Variants in ARMC9 observed in about 807,000 individuals in gnomAD.
The protein encoded by ARMC9 is lisH domain-containing protein ARMC9.
Under a neutral mutation model 107.0 loss-of-function variants are expected in ARMC9, and 94 were observed. The ratio of observed to expected loss-of-function variants is 0.88; its 90% CI spans 0.74 to 1.04. ARMC9 has a LOEUF of 1.04. ARMC9 is among the 50% of genes least tolerant of loss of function. The pLI, the probability that ARMC9 is intolerant of heterozygous loss-of-function variation, is 0.00. For missense variants in ARMC9, 942 were observed against 1,030.1 expected (o/e 0.91, Z 1.17); for synonymous variants, 380 against 396.9 (o/e 0.96, Z 0.51).
chr2:231,301,546 G>T (rs1421450165), intron 19 of ARMC9, among the ~76,000 whole-genome samples: 1 of 151,708 alleles, frequency 6.6e-6, no homozygotes, highest in Non-Finnish European at 1.5e-5. Flanking sequence ...TTGCTACATT[G>T]TACATTTCCA....
chr2:231,364,503 T>C (rs1470684827), intron 23 of ARMC9, among the ~76,000 whole-genome samples: 1 of 152,190 alleles, frequency 6.6e-6, no homozygotes, highest in Admixed American at 6.5e-5. Flanking sequence ...GGCACATTCA[T>C]GCATCCAGCT....
intron 19 of ARMC9, among the ~76,000 whole-genome samples, chr2:231,312,198 G>C (rs1489628893): frequency 6.6e-6 from 1 of 152,212 alleles, no homozygotes; most frequent in Non-Finnish European, 1.5e-5. Flanking sequence ...AAGGTTCGAG[G>C]TGGTTTGGCA....
rs768217263 is a variant in ARMC9 at position 231,360,796 on chromosome 2, G to A, written c.2174G>A (p.Arg725His). Residue 725 changes from arginine to histidine, a missense_variant, in exon 23 of 25, where the codon CGC (arginine) becomes CAC (histidine). Transcript: ENST00000611582. The surrounding 1 kb of genome is among the most constrained non-coding windows in gnomAD (Gnocchi z 4.7). ...CCAGGAGAGTGGCTCCCAAGAGGACGCCAGGAAGAGCCTCGCCCAGCCCCC... is the reference window on the plus strand; with the variant it reads ...CCAGGAGAGTGGCTCCCAAGAGGACACCAGGAAGAGCCTCGCCCAGCCCCC... The part of the protein sequence containing the change: ...AKPGEWLPRG[R>H]QEEPRPAPTG... 49 of 1,536,024 alleles carry A rather than the reference G, an allele frequency of 3.2e-5. No individual in the cohort carries two copies. The highest frequency in any genetic ancestry group is 1.9e-4 in the South Asian group (16 of 84,072).
intron 23 of ARMC9, among the ~76,000 whole-genome samples, chr2:231,361,930 C>T (rs927854197): frequency 5.9e-5 from 9 of 152,046 alleles, no homozygotes; most frequent in Middle Eastern, 3.2e-3. Context: ...AGAAAGGGGG[C>T]GCAGACAAGT....
chr2:231,261,985 C>A (rs62197345), intron 11 of ARMC9, among the ~76,000 whole-genome samples: 41,890 of 151,658 alleles, frequency 0.28, 5,976 homozygotes, highest in African/African-American at 0.31. Flanking sequence ...CCACACCCGG[C>A]TAATTTTTTT....
intron 21 of ARMC9, among the ~76,000 whole-genome samples, chr2:231,349,712 C>T (rs1009429229): frequency 5.9e-5 from 9 of 151,874 alleles, no homozygotes; most frequent in East Asian, 1.9e-4. Flanking sequence ...ACCTGGGAGA[C>T]GGAGGTTGCA....
At chr2:231,318,753 G>A (rs555195879) in intron 19 of ARMC9, among the ~76,000 whole-genome samples, 30 of 152,168 alleles carry the variant, frequency 2.0e-4, no homozygotes, top group Non-Finnish European at 3.5e-4. Flanking sequence ...TTTAGTAAAC[G>A]TATCACATTT....
intron 16 of ARMC9, among the ~76,000 whole-genome samples, chr2:231,281,631 A>G (rs895036603): frequency 2.6e-5 from 4 of 152,202 alleles, no homozygotes; most frequent in African/African-American, 4.8e-5. Context: ...AGCCTGGTTC[A>G]TGGACGATGA....
At chr2:231,261,042 C>T (rs565249711) in intron 11 of ARMC9, among the ~76,000 whole-genome samples, 13 of 152,276 alleles carry the variant, frequency 8.5e-5, no homozygotes, top group South Asian at 4.1e-4. Flanking sequence ...GAGGCCTCCC[C>T]GGCTCTCCTT....
Position 231,291,350 on chromosome 2 carries a change from T to C in ARMC9, c.1627-3T>C, listed in dbSNP as rs2040975776. On this transcript the variant is annotated splice_polypyrimidine_tract_variant and splice_region_variant and intron_variant, in intron 17 of 24. Coordinates refer to ENST00000611582, the MANE Select transcript of ARMC9 (RefSeq NM_001352754.2). ...TAACTATTACTTTCGCCAATACTTC[T>C]AGGGAATGGAAGACATCCTACGCTG... is the stretch of plus-strand genomic sequence containing the variant. 6.2e-7 allele frequency: 1 copy of C among 1,612,524 alleles called. No individual in the cohort carries two copies. Among genetic ancestry groups the C allele is most frequent in the Non-Finnish European group, 8.5e-7 (1 of 1,178,856 alleles).
intron 3 of ARMC9, among the ~76,000 whole-genome samples, chr2:231,214,130 T>C (rs1032202180): frequency 6.6e-6 from 1 of 152,234 alleles, no homozygotes; most frequent in Non-Finnish European, 1.5e-5. Context: ...CATGATGCTG[T>C]CATTGTCCCA....
rs113547151 is a variant in ARMC9 at position 231,215,011 on chromosome 2, C to T, written c.348+10C>T. 2.5e-6 allele frequency: 4 copies of T among 1,613,514 alleles called. No homozygotes were observed. The South Asian group carries it at 4.4e-5, about 18-fold the overall frequency. ...CTCTGTGGGGAGACCGGTGGGTTTACCTGGTGATGCGGGTGGGTCTGAGTG... is the reference window on the plus strand; with the variant it reads ...CTCTGTGGGGAGACCGGTGGGTTTATCTGGTGATGCGGGTGGGTCTGAGTG... On this transcript the variant is annotated intron_variant, in intron 4 of 24. Transcript: ENST00000611582.
chr2:231,206,078 G>T, intron 1 of ARMC9, 120 bp from the exon 2 acceptor site: 1 of 685,380 alleles, frequency 1.5e-6, no homozygotes. Context: ...GTATTCACAG[G>T]TTCTGGGGAT....
At chr2:231,334,317 C>G (rs781449378) in intron 20 of ARMC9, among the ~76,000 whole-genome samples, 1 of 152,248 alleles carries the variant, frequency 6.6e-6, no homozygotes, top group Non-Finnish European at 1.5e-5. Flanking sequence ...CCTTAGGGCT[C>G]AGCTCCCCCG....
intron 6 of ARMC9, 28 bp from the exon 7 acceptor site, chr2:231,226,746 G>C: frequency 6.2e-7 from 1 of 1,611,974 alleles, no homozygotes. Context: ...CTGAATGCCT[G>C]TTTTCCTGAA....
chr2:231,210,983 A>G (rs760651763), intron 3 of ARMC9, among the ~76,000 whole-genome samples: 3 of 152,198 alleles, frequency 2.0e-5, no homozygotes, highest in Non-Finnish European at 4.4e-5. Context: ...TAGATATGTC[A>G]TATAAATGGA....
chr2:231,235,848 GT>G (rs2125361817), intron 8 of ARMC9, among the ~76,000 whole-genome samples: 1 of 152,310 alleles, frequency 6.6e-6, no homozygotes, highest in Admixed American at 6.5e-5. Context: ...CTCCATGTTG[GT>G]CAGGCTGGTC....
intron 2 of ARMC9, among the ~76,000 whole-genome samples, chr2:231,207,260 A>G (rs1030581760): frequency 1.3e-5 from 2 of 152,202 alleles, no homozygotes; most frequent in African/African-American, 4.8e-5. Context: ...CTCCTGCCTC[A>G]GCCTCCCAAA....
In ARMC9 at chr2:231,331,875, T is replaced by G; in HGVS notation, c.1856T>G (p.Leu619Arg). Residue 619 changes from leucine to arginine, a missense_variant, in exon 20 of 25, where the codon CTT (leucine) becomes CGT (arginine). Leu to Arg is a moderately radical substitution (Grantham distance 102). Transcript: ENST00000611582. ...PQLGELSGEKLLTTEYLGIMT... is the reference protein window; with the variant it reads ...PQLGELSGEKRLTTEYLGIMT... ...CTCGGAGAACTCTCAGGAGAGAAGC[T>G]TCTGACCACGGAGTACCTGGGGGTA... is the stretch of plus-strand genomic sequence containing the variant. 6.2e-7 allele frequency: 1 copy of G among 1,613,764 alleles called. No homozygotes were observed. The highest frequency in any genetic ancestry group is 8.5e-7 in the Non-Finnish European group (1 of 1,179,794).
Sources: gnomAD v4.1 joint callset for allele counts (sites outside exome capture counted in the v4.1 genomes callset) on GRCh38, gnomAD v4.1.1 for gene constraint, Gnocchi (gnomAD v3.1) non-coding constraint, MANE v1.5 for transcripts, NCBI Gene and HGNC (gene_info 2026-07-23, HGNC 2026-07-21) for gene names.